The following EYS variants were observed in gnomAD, a reference collection of about 807,000 sequenced individuals.
EYS encodes protein eyes shut homolog.
EYS carries 250 observed loss-of-function variants against 282.1 expected under a neutral mutation model. The ratio of observed to expected loss-of-function variants is 0.89; its 90% CI spans 0.80 to 0.98. EYS has a LOEUF of 0.98. EYS is among the 50% of genes least tolerant of loss of function. The pLI is 0.00. For synonymous variants in EYS, 1,355 were observed against 1,282.9 expected (o/e 1.06, Z -1.20); for missense variants, 4,016 against 3,709.0 (o/e 1.08, Z -2.15).
At chr6:64,437,063 CAAAGAT>C (rs1774774736) in intron 27 of EYS, among the ~76,000 whole-genome samples, 1 of 151,464 alleles carries the variant, frequency 6.6e-6, no homozygotes, top group Non-Finnish European at 1.5e-5. Flanking sequence ...ACATATAGTC[CAAAGAT>C]AAAGATAATG....
intron 5 of EYS, among the ~76,000 whole-genome samples, chr6:65,459,390 C>A (rs886252871): frequency 6.6e-6 from 1 of 151,950 alleles, no homozygotes; most frequent in Non-Finnish European, 1.5e-5. Flanking sequence ...TTATTTTGCA[C>A]AGGTAAGCAG....
At chr6:64,947,887 G>T (rs72873088) in intron 14 of EYS, among the ~76,000 whole-genome samples, 3,324 of 151,278 alleles carry the variant, frequency 0.022, 56 homozygotes, top group Middle Eastern at 0.041. Context: ...CATATTATGG[G>T]GTATAAATTA....
chr6:64,923,197 G>C (rs1768406322), intron 15 of EYS, among the ~76,000 whole-genome samples: 1 of 152,118 alleles, frequency 6.6e-6, no homozygotes. Flanking sequence ...GGCTAAAGAG[G>C]CCTCAGAATC....
intron 8 of EYS, among the ~76,000 whole-genome samples, chr6:65,368,879 A>T (rs1452397252): frequency 6.6e-6 from 1 of 151,520 alleles, no homozygotes; most frequent in Non-Finnish European, 1.5e-5. Context: ...CGAAAGAGAG[A>T]GATGAGAGGA....
chr6:65,273,672 A>G (rs1767964672), intron 12 of EYS, among the ~76,000 whole-genome samples: 1 of 152,188 alleles, frequency 6.6e-6, no homozygotes, highest in South Asian at 2.1e-4. Context: ...TTTCCTTGCA[A>G]TGCAGCTACA....
chr6:64,326,128 T>C (rs111231037), intron 29 of EYS, among the ~76,000 whole-genome samples: 1,576 of 150,566 alleles, frequency 0.01, 18 homozygotes, highest in East Asian at 0.03. Context: ...ATTAATGAAA[T>C]AAACTATAAC....
intron 31 of EYS, among the ~76,000 whole-genome samples, chr6:64,167,069 G>T (rs540616071): frequency 6.6e-6 from 1 of 152,236 alleles, no homozygotes; most frequent in East Asian, 1.9e-4. Flanking sequence ...CCTGCTGGCT[G>T]GTCCAAAATA....
intron 5 of EYS, among the ~76,000 whole-genome samples, chr6:65,409,132 G>A (rs1562160519): frequency 6.6e-6 from 1 of 152,050 alleles, no homozygotes; most frequent in African/African-American, 2.4e-5. Flanking sequence ...ATGCCTATTT[G>A]TCAATACACT....
At chr6:64,230,968 A>G (rs758003729) in intron 30 of EYS, 144 bp from the exon 31 acceptor site, 11 of 511,290 alleles carry the variant, frequency 2.2e-5, no homozygotes, top group Non-Finnish European at 3.5e-5. Context: ...TAAAATTATC[A>G]TGTTTGTTTC....
chr6:63,904,137 G>C (rs1156427183), intron 35 of EYS, among the ~76,000 whole-genome samples: 1 of 152,084 alleles, frequency 6.6e-6, no homozygotes, highest in Non-Finnish European at 1.5e-5. Context: ...GGCCTGCGAG[G>C]CTCAGCTCTC....
intron 41 of EYS, among the ~76,000 whole-genome samples, chr6:63,737,824 G>A (rs372388894): frequency 1.5e-4 from 23 of 152,014 alleles, no homozygotes; most frequent in Middle Eastern, 3.4e-3. Context: ...GAAAATTTTC[G>A]CAACCTACTC....
intron 14 of EYS, among the ~76,000 whole-genome samples, chr6:64,996,179 T>C (rs2150125240): frequency 6.6e-6 from 1 of 152,284 alleles, no homozygotes; most frequent in Middle Eastern, 3.4e-3. Flanking sequence ...GCAGGCAACC[T>C]GAGAGGTTCA....
At chr6:64,564,801 CG>C (rs1765514371) in intron 26 of EYS, among the ~76,000 whole-genome samples, 1 of 94,010 alleles carries the variant, frequency 1.1e-5, no homozygotes, top group Non-Finnish European at 2.1e-5. Context: ...GGGTGGGGGT[CG>C]GGGGCTAGGG....
At chr6:64,122,613 T>C (rs1445038553) in intron 31 of EYS, among the ~76,000 whole-genome samples, 2 of 152,146 alleles carry the variant, frequency 1.3e-5, no homozygotes, top group African/African-American at 2.4e-5. Context: ...TGATTCTTGA[T>C]TTTCTTATTT....
intron 40 of EYS, among the ~76,000 whole-genome samples, chr6:63,764,845 A>G (rs1488615652): frequency 6.6e-6 from 1 of 152,010 alleles, no homozygotes; most frequent in Non-Finnish European, 1.5e-5. Flanking sequence ...ATTAGTTATT[A>G]TATAATTCTA....
chr6:64,193,950 G>A (rs138561239), intron 31 of EYS, among the ~76,000 whole-genome samples: 4 of 152,088 alleles, frequency 2.6e-5, no homozygotes, highest in Non-Finnish European at 2.9e-5. Flanking sequence ...GAATAGTGCT[G>A]CAATAAACAT....
At chr6:65,386,348 C>A (rs1367690643) in intron 7 of EYS, among the ~76,000 whole-genome samples, 1 of 151,828 alleles carries the variant, frequency 6.6e-6, no homozygotes, top group Non-Finnish European at 1.5e-5. Context: ...CACAACAAAT[C>A]CCCATGACCC....
intron 35 of EYS, among the ~76,000 whole-genome samples, chr6:63,972,824 G>A (rs1766648487): frequency 6.6e-6 from 1 of 152,054 alleles, no homozygotes; most frequent in Non-Finnish European, 1.5e-5. Flanking sequence ...TTTAGAGAAT[G>A]ATGGTTTCCA....
At chr6:65,519,770 T>G (rs1156442793) in intron 2 of EYS, among the ~76,000 whole-genome samples, 16 of 135,938 alleles carry the variant, frequency 1.2e-4, no homozygotes, top group Non-Finnish European at 1.9e-4. Flanking sequence ...GGCTGGAGTG[T>G]AGTGGAGTGC....
Sources: allele counts gnomAD v4.1 joint callset (sites outside exome capture counted in the v4.1 genomes callset), GRCh38; gene constraint gnomAD v4.1.1; transcripts MANE v1.5; gene names NCBI Gene and HGNC (gene_info 2026-07-23, HGNC 2026-07-21).